Variants in SIRT3 observed in about 807,000 individuals in gnomAD.
The protein encoded by SIRT3 is NAD-dependent protein deacetylase sirtuin-3, mitochondrial.
Under a neutral mutation model 33.5 loss-of-function variants are expected in SIRT3, and 26 were observed. The observed-to-expected ratio is 0.78, with a 90% CI of 0.57 to 1.08. The LOEUF is 1.08. SIRT3 is among the 50% of genes least tolerant of loss of function. The probability of loss-of-function intolerance (pLI) is 0.00; values close to 1 mark genes in which losing one functional copy is unlikely to be tolerated. For synonymous variants in SIRT3, 237 were observed against 222.1 expected (o/e 1.07, Z -0.60); for missense variants, 585 against 530.1 (o/e 1.10, Z -1.02).
At chr11:217,139 A>G (rs1855765464) in intron 6 of SIRT3, among the ~76,000 whole-genome samples, 1 of 152,230 alleles carries the variant, frequency 6.6e-6, no homozygotes, top group South Asian at 2.1e-4. Flanking sequence ...CAGAGTTACA[A>G]TCTGCTTTTC....
At chr11:230,577 G>A (rs1788301042) in intron 3 of SIRT3, 25 bp from the exon 4 acceptor site, 2 of 1,462,920 alleles carry the variant, frequency 1.4e-6, no homozygotes, top group Non-Finnish European at 1.8e-6. Context: ...AAAGCGAAGT[G>A]TTGCTGCCGC....
chr11:227,035 A>C (rs1235649553), intron 4 of SIRT3, among the ~76,000 whole-genome samples: 1 of 151,542 alleles, frequency 6.6e-6, no homozygotes, highest in African/African-American at 2.4e-5. Flanking sequence ...TACGGGCGTG[A>C]GCCACCATGA....
In SIRT3 at chr11:216,549, AAG is replaced by A; in HGVS notation, c.*147_*148del. 1.2e-6 allele frequency: 1 copy of A among 828,518 alleles called. No individual in the cohort carries two copies. The highest frequency in any genetic ancestry group is 2.0e-6 in the Non-Finnish European group (1 of 491,864). 51.3% of individuals were successfully genotyped at this position (828,518 alleles called of 1,614,324 possible). ...CAGTCACTGCAGCTCATGGCCTGAGAAGACATTCCAGTGGCAGCCTCGGGTGT... is the reference window on the plus strand; with the variant it reads ...CAGTCACTGCAGCTCATGGCCTGAGAACATTCCAGTGGCAGCCTCGGGTGT... On this transcript the variant is annotated 3_prime_UTR_variant, in exon 7 of 7. Coordinates refer to ENST00000382743, the MANE Select transcript of SIRT3 (RefSeq NM_012239.6).
intron 5 of SIRT3, among the ~76,000 whole-genome samples, chr11:221,780 G>A (rs1856476089): frequency 6.6e-6 from 1 of 152,294 alleles, no homozygotes; most frequent in South Asian, 2.1e-4. Flanking sequence ...CATTAACAAC[G>A]CAGCACATCT....
Position 233,098 on chromosome 11 carries a change from C to T in SIRT3, c.591G>A (p.Lys197=). 6.2e-7 allele frequency: 1 copy of T among 1,614,086 alleles called. No individual in the cohort carries two copies. Among genetic ancestry groups the T allele is most frequent in the Non-Finnish European group, 8.5e-7 (1 of 1,180,030 alleles). ...HNPKPFFTLA[K]ELYPGNYKPN... ...GCTTGTAGTTTCCAGGGTACAGCTCCTTGGCCAAAGTGAAAAAGGGCTTGG... is the reference window on the plus strand; with the variant it reads ...GCTTGTAGTTTCCAGGGTACAGCTCTTTGGCCAAAGTGAAAAAGGGCTTGG... The change falls in exon 3 of 7, where the codon AAG becomes AAA. Residue 197 remains lysine, a synonymous_variant. Transcript: ENST00000382743.
chr11:224,528 T>C (rs1856894453), intron 4 of SIRT3, among the ~76,000 whole-genome samples: 1 of 152,190 alleles, frequency 6.6e-6, no homozygotes, highest in South Asian at 2.1e-4. Context: ...AACACCATGC[T>C]CTATCCCTGG....
chr11:216,776 C>G, intron 6 of SIRT3, 58 bp from the exon 7 acceptor site: 5 of 1,587,688 alleles, frequency 3.1e-6, no homozygotes, highest in Non-Finnish European at 4.3e-6. Context: ...GGCAGGCCAG[C>G]AGATCTCTGT....
chr11:236,370 C>CCGACGCCCCGCCCG (rs1859135905), upstream of SIRT3: 5 of 1,175,022 alleles, frequency 4.3e-6, no homozygotes, highest in Admixed American at 5.1e-5. Context: ...CGCCCCGCCC[C>CCGACGCCCCGCCCG]CGGCGCCCCG....
chr11:220,872 C>A (rs1260273199), intron 5 of SIRT3, among the ~76,000 whole-genome samples: 2 of 121,962 alleles, frequency 1.6e-5, no homozygotes, highest in African/African-American at 6.0e-5. Context: ...TTTACCCTTC[C>A]AGAGTACTTG....
intron 5 of SIRT3, among the ~76,000 whole-genome samples, chr11:220,834 G>A (rs1193942534): frequency 1.4e-5 from 2 of 146,510 alleles, no homozygotes; most frequent in Non-Finnish European, 3.0e-5. Flanking sequence ...ATATTCACCG[G>A]AAGGCAAGTT....
At chr11:226,500 C>A (rs928745252) in intron 4 of SIRT3, among the ~76,000 whole-genome samples, 2 of 152,098 alleles carry the variant, frequency 1.3e-5, no homozygotes, top group Admixed American at 1.3e-4. Context: ...CTTCTGCCTC[C>A]TGGGTTCCAG....
Position 224,259 on chromosome 11 carries a change from G to C in SIRT3, c.808-20C>G. ...GTCAGCCTGGAAAACAGAGAAAACAGGCCTGAGGAAGATGCCTGCAACACC... is the reference window on the plus strand; with the variant it reads ...GTCAGCCTGGAAAACAGAGAAAACACGCCTGAGGAAGATGCCTGCAACACC... On this transcript the variant is annotated intron_variant, in intron 4 of 6. Transcript: ENST00000382743. 1 of 1,611,488 alleles carries C rather than the reference G, an allele frequency of 6.2e-7. No homozygotes were observed. The highest frequency in any genetic ancestry group is 1.3e-5 in the African/African-American group (1 of 74,938).
At chr11:220,570 A>C (rs1856314667) in intron 5 of SIRT3, among the ~76,000 whole-genome samples, 1 of 152,168 alleles carries the variant, frequency 6.6e-6, no homozygotes, top group Non-Finnish European at 1.5e-5. Context: ...CTCCACACAC[A>C]CACATGCATT....
intron 4 of SIRT3, among the ~76,000 whole-genome samples, chr11:229,857 T>C (rs1370862079): frequency 6.6e-6 from 1 of 152,184 alleles, no homozygotes; most frequent in Admixed American, 6.5e-5. Context: ...CTCAAACGAA[T>C]ACTTGCATAT....
intron 6 of SIRT3, among the ~76,000 whole-genome samples, chr11:216,947 A>G (rs1286522108): frequency 6.6e-6 from 1 of 152,280 alleles, no homozygotes; most frequent in African/African-American, 2.4e-5. Flanking sequence ...AAGTACCCAA[A>G]TCAATATGTA....
Position 230,555 on chromosome 11 carries a change from G to C in SIRT3, c.707-3C>G. On this transcript the variant is annotated splice_region_variant and splice_polypyrimidine_tract_variant and intron_variant, in intron 3 of 6. Transcript: ENST00000382743. Reference sequence around the variant, plus strand: ...CTTTGAGGCAGGGATGCCCGACACTGAAATTCAAGCCAAAGCGAAGTGTTG... The same window carrying C: ...CTTTGAGGCAGGGATGCCCGACACTCAAATTCAAGCCAAAGCGAAGTGTTG... The C allele has an allele frequency of 6.6e-7, 1 of 1,508,852 alleles. No individual in the cohort carries two copies. The highest frequency in any genetic ancestry group is 8.9e-7 in the Non-Finnish European group (1 of 1,129,438). The allele number at this position is 1,508,852 out of a possible 1,614,324, so 93.5% of individuals were successfully genotyped here. A position where few individuals can be genotyped will look rare whatever the true frequency, so the allele number is the denominator to read the frequency against.
At chr11:225,023 A>G (rs552901873) in intron 4 of SIRT3, among the ~76,000 whole-genome samples, 2 of 152,148 alleles carry the variant, frequency 1.3e-5, no homozygotes, top group African/African-American at 4.8e-5. Context: ...GTAAAACTGT[A>G]TTATATTTAA....
Position 235,657 on chromosome 11 carries a change from T to G in SIRT3, c.281+391A>C, listed in dbSNP as rs185011623. Among the ~76,000 whole-genome samples, 226 of 152,294 alleles carry G rather than the reference T, an allele frequency of 1.5e-3. 1 individual carries two copies. The highest frequency in any genetic ancestry group is 0.01 in the Admixed American group (157 of 15,294). ...TGTAGCCTCAGTTCTTAGATGCAAT[T>G]ACTATGGAGACGGGTACGATCACAT... is the stretch of plus-strand genomic sequence containing the variant. On this transcript the variant is annotated intron_variant, in intron 1 of 6. Coordinates refer to ENST00000382743, the MANE Select transcript of SIRT3 (RefSeq NM_012239.6).
intron 4 of SIRT3, among the ~76,000 whole-genome samples, chr11:228,360 A>T (rs569228187): frequency 1.3e-5 from 2 of 152,344 alleles, no homozygotes; most frequent in Non-Finnish European, 2.9e-5. Flanking sequence ...TGCTGGACTC[A>T]CACTTCCTAA....
Sources: allele counts gnomAD v4.1 joint callset (sites outside exome capture counted in the v4.1 genomes callset), GRCh38; gene constraint gnomAD v4.1.1; transcripts MANE v1.5; gene names NCBI Gene and HGNC (gene_info 2026-07-23, HGNC 2026-07-21).